Variants in EMP2 observed in about 807,000 individuals in gnomAD.
EMP2 encodes epithelial membrane protein 2.
Under a neutral mutation model 13.7 loss-of-function variants are expected in EMP2, and 19 were observed. The observed-to-expected ratio is 1.38, with a 90% confidence interval of 0.97 to 2.03. The LOEUF (loss-of-function observed/expected upper bound fraction) is 2.03, where lower values mean the gene tolerates loss of function less well. Among genes scored for constraint, EMP2 ranks in the 30% most tolerant of loss-of-function variants. The pLI is 0.00. For synonymous variants in EMP2, 97 were observed against 84.7 expected (o/e 1.15, Z -0.80); for missense variants, 253 against 220.7 (o/e 1.15, Z -0.93).
chr16:10,557,855 C>A (rs1596377543), intron 1 of EMP2, among the ~76,000 whole-genome samples: 2 of 151,966 alleles, frequency 1.3e-5, no homozygotes. Context: ...GGTAGAAGAA[C>A]AGCAAATGGG....
chr16:10,547,799 A>G, intron 1 of EMP2, 122 bp from the exon 2 acceptor site: 1 of 585,236 alleles, frequency 1.7e-6, no homozygotes, highest in South Asian at 2.1e-5. Flanking sequence ...ACTTTGGGAG[A>G]AGGTGGGAAG....
chr16:10,567,394 C>T (rs1014589817), intron 1 of EMP2, among the ~76,000 whole-genome samples: 2 of 152,242 alleles, frequency 1.3e-5, no homozygotes, highest in African/African-American at 4.8e-5. Flanking sequence ...TGGCCTCCAG[C>T]TCTCTGACTC....
At chr16:10,547,468 A>G in intron 2 of EMP2, 72 bp downstream of exon 2, 1 of 1,507,080 alleles carries the variant, frequency 6.6e-7, no homozygotes, top group Non-Finnish European at 9.2e-7. Context: ...GCATGAGAAC[A>G]GACCAATACA....
At chr16:10,571,316 A>G (rs1238337126) in intron 1 of EMP2, among the ~76,000 whole-genome samples, 1 of 149,504 alleles carries the variant, frequency 6.7e-6, no homozygotes, top group Non-Finnish European at 1.5e-5. Context: ...AGAGTGGGCT[A>G]GAGGAGAAAG....
intron 1 of EMP2, among the ~76,000 whole-genome samples, chr16:10,557,559 T>G (rs74492667): frequency 0.051 from 7,764 of 152,200 alleles, 290 homozygotes; most frequent in East Asian, 0.12. Context: ...TGTGGTAGAA[T>G]GGGTTCAATT....
intron 1 of EMP2, among the ~76,000 whole-genome samples, chr16:10,550,086 A>G (rs745330267): frequency 6.6e-6 from 1 of 151,872 alleles, no homozygotes; most frequent in African/African-American, 2.4e-5. Context: ...GGGTTTCACT[A>G]TGTTGGCCAG....
chr16:10,553,250 C>A (rs1253120081), intron 1 of EMP2, among the ~76,000 whole-genome samples: 2 of 152,228 alleles, frequency 1.3e-5, no homozygotes, highest in Non-Finnish European at 1.5e-5. Context: ...CCACTGCCCT[C>A]TTAGAGGCAA....
intron 2 of EMP2, chr16:10,545,338 C>A (rs145868605): frequency 6.6e-6 from 1 of 152,238 alleles, no homozygotes; most frequent in East Asian, 1.9e-4. Context: ...TCTAGGACTC[C>A]CCAACCCATG....
At position 10,532,788 on chromosome 16, in the gene EMP2, G is replaced by GTTTTTTTTTTTTTTTTTTTTTTTTTTTTT. The variant is rs2050617045; in HGVS notation, c.*116_*117insAAAAAAAAAAAAAAAAAAAAAAAAAAAAA. ...TTTTTTTTTTTTTTTTTTTTTTTTG[G>GTTTTTTTTTTTTTTTTTTTTTTTTTTTTT]CTTTTAAAGGAAACAATACGTTTGC... On this transcript the variant is annotated 3_prime_UTR_variant, in exon 5 of 5. Coordinates refer to ENST00000359543, the MANE Select transcript of EMP2 (RefSeq NM_001424.6). 1 of 55,450 alleles carries GTTTTTTTTTTTTTTTTTTTTTTTTTTTTT rather than the reference G, an allele frequency of 1.8e-5. No individual in the cohort carries two copies. Among genetic ancestry groups the GTTTTTTTTTTTTTTTTTTTTTTTTTTTTT allele is most frequent in the Admixed American group, 5.8e-4 (1 of 1,720 alleles). The allele number at this position is 55,450 out of a possible 1,614,324, so 3.4% of individuals were successfully genotyped here.
chr16:10,568,356 T>C (rs923346725), intron 1 of EMP2, among the ~76,000 whole-genome samples: 9 of 152,268 alleles, frequency 5.9e-5, no homozygotes, highest in African/African-American at 2.2e-4. Flanking sequence ...ATATATGTAT[T>C]TTATATATGT....
At chr16:10,546,120 G>A (rs562419144) in intron 2 of EMP2, 83 of 152,290 alleles carry the variant, frequency 5.5e-4, no homozygotes, top group African/African-American at 1.8e-3. Flanking sequence ...CTGGGGTGGG[G>A]ATCACATGAG....
At chr16:10,569,295 T>C (rs1382127871) in intron 1 of EMP2, among the ~76,000 whole-genome samples, 2 of 152,202 alleles carry the variant, frequency 1.3e-5, no homozygotes, top group African/African-American at 4.8e-5. Context: ...TTAAAACACA[T>C]TAAGCTTAAA....
At chr16:10,554,252 G>A (rs1242344612) in intron 1 of EMP2, among the ~76,000 whole-genome samples, 1 of 152,034 alleles carries the variant, frequency 6.6e-6, no homozygotes, top group Non-Finnish European at 1.5e-5. Flanking sequence ...GGCTGGTCTC[G>A]ACCTCCTAAC....
At chr16:10,540,842 G>T (rs1306574393) in intron 3 of EMP2, among the ~76,000 whole-genome samples, 1 of 152,178 alleles carries the variant, frequency 6.6e-6, no homozygotes, top group African/African-American at 2.4e-5. Context: ...GGTTTGGGAG[G>T]CCACAGTGGG....
Position 10,531,962 on chromosome 16 carries a change from C to A in EMP2, c.*943G>T, listed in dbSNP as rs1207777157. ...ATGGCTCAGGAATGGAGTTTTGGGG[C>A]CCTAGATGTAGACAGCTGTGGCGAT... On this transcript the variant is annotated 3_prime_UTR_variant, in exon 5 of 5. Coordinates refer to ENST00000359543, the MANE Select transcript of EMP2 (RefSeq NM_001424.6). 6.5e-6 allele frequency: 1 copy of A among 154,696 alleles called. No homozygotes were observed. The highest frequency in any genetic ancestry group is 2.4e-5 in the African/African-American group (1 of 41,444). The allele number at this position is 154,696 out of a possible 1,614,324, so 9.6% of individuals were successfully genotyped here.
At chr16:10,570,677 C>T (rs991280561) in intron 1 of EMP2, among the ~76,000 whole-genome samples, 4 of 152,094 alleles carry the variant, frequency 2.6e-5, no homozygotes, top group African/African-American at 9.7e-5. Flanking sequence ...GGATTACAGG[C>T]ATGAGCTACC....
At position 10,565,494 on chromosome 16, in the gene EMP2, C is replaced by G. The variant is rs562867898; in HGVS notation, c.-61+15055G>C. ...CCATGGGTCTCCAAGCCTGCTGGCC[C>G]GCCCTGCAGATTTTGAACTTGCCAG... On this transcript the variant is annotated intron_variant, in intron 1 of 4. Coordinates refer to ENST00000359543, the MANE Select transcript of EMP2 (RefSeq NM_001424.6). Among the ~76,000 whole-genome samples, 22 of 152,312 alleles carry G rather than the reference C, an allele frequency of 1.4e-4. 1 individual carries two copies. The East Asian group carries it at 3.7e-3, about 25-fold the overall frequency.
intron 3 of EMP2, among the ~76,000 whole-genome samples, chr16:10,541,433 T>C (rs1318027450): frequency 2.0e-5 from 3 of 152,108 alleles, no homozygotes; most frequent in Admixed American, 2.0e-4. Flanking sequence ...AAACAACTTT[T>C]AAAAATGTAA....
intron 3 of EMP2, among the ~76,000 whole-genome samples, chr16:10,540,512 A>AAAT (rs1555458900): frequency 6.6e-6 from 1 of 151,446 alleles, no homozygotes; most frequent in Admixed American, 6.6e-5. Context: ...TCTCAAAAAT[A>AAAT]AATAAATAAA....
Sources: allele counts gnomAD v4.1 joint callset (sites outside exome capture counted in the v4.1 genomes callset), GRCh38; gene constraint gnomAD v4.1.1; transcripts MANE v1.5; gene names NCBI Gene and HGNC (gene_info 2026-07-23, HGNC 2026-07-21).